Variants in SBF2 observed in about 807,000 individuals in gnomAD.
SBF2 encodes SET binding factor 2.
SBF2 carries 112 observed loss-of-function variants against 225.2 expected under a neutral mutation model. The ratio of observed to expected loss-of-function variants is 0.50; its 90% confidence interval spans 0.43 to 0.58. The LOEUF (loss-of-function observed/expected upper bound fraction) is 0.58. Ranked by LOEUF, SBF2 falls within the 20% of genes least tolerant of loss-of-function variation. The pLI is 0.00. For missense variants in SBF2, 1,996 were observed against 2,206.2 expected (o/e 0.90, Z 1.91); for synonymous variants, 763 against 773.3 (o/e 0.99, Z 0.22).
At chr11:9,849,886 A>C (rs1371504074) in intron 22 of SBF2, 137 bp downstream of exon 22, 1 of 813,616 alleles carries the variant, frequency 1.2e-6, no homozygotes, top group East Asian at 2.5e-5. Flanking sequence ...GTCAGACTAA[A>C]GTATTTCACC....
chr11:10,199,566 A>G (rs1957502047), intron 1 of SBF2, among the ~76,000 whole-genome samples: 1 of 152,242 alleles, frequency 6.6e-6, no homozygotes, highest in Non-Finnish European at 1.5e-5. Flanking sequence ...CAAATAATAA[A>G]TAATAAGCAA....
At chr11:9,798,364 G>A (rs927658291) in intron 32 of SBF2, among the ~76,000 whole-genome samples, 3 of 152,188 alleles carry the variant, frequency 2.0e-5, no homozygotes, top group African/African-American at 7.2e-5. Flanking sequence ...CCACCCCAAG[G>A]AGCCAGTGAT....
In SBF2 at chr11:10,191,719, G is replaced by A. The variant is rs183421471; in HGVS notation, c.141+2183C>T. 2.6e-5 allele frequency among the ~76,000 whole-genome samples: 4 copies of A among 152,212 alleles called. No homozygotes were observed. The East Asian group carries it at 7.7e-4, about 29-fold the overall frequency. On this transcript the variant is annotated intron_variant, in intron 2 of 39. Coordinates refer to ENST00000256190, the MANE Select transcript of SBF2 (RefSeq NM_030962.4). The stretch of plus-strand genomic sequence containing the variant: ...TAACAGCACATGACTCCACTTATTG[G>A]AGAAACATTTATAGCACTTGAACAT...
chr11:9,874,085 C>T (rs1859015223), intron 17 of SBF2, among the ~76,000 whole-genome samples: 1 of 151,998 alleles, frequency 6.6e-6, no homozygotes, highest in Non-Finnish European at 1.5e-5. Context: ...ATATTTCTTT[C>T]CTTGTGTGAC....
chr11:10,054,072 T>C (rs1234766434), intron 2 of SBF2, among the ~76,000 whole-genome samples: 5 of 152,208 alleles, frequency 3.3e-5, no homozygotes, highest in South Asian at 2.1e-4. Flanking sequence ...CAGCTTTTGA[T>C]AAAGTATATA....
At chr11:9,881,678 G>A (rs1427659950) in intron 17 of SBF2, among the ~76,000 whole-genome samples, 2 of 151,904 alleles carry the variant, frequency 1.3e-5, no homozygotes, top group Non-Finnish European at 2.9e-5. Context: ...TAGCCTTCTT[G>A]GATGGAAAAG....
chr11:10,041,907 A>AGAAAAAC (rs1268164363), intron 3 of SBF2, among the ~76,000 whole-genome samples: 1 of 152,122 alleles, frequency 6.6e-6, no homozygotes, highest in Non-Finnish European at 1.5e-5. Flanking sequence ...GAGCCTGGAA[A>AGAAAAAC]GAAAAACCAC....
At chr11:10,155,759 G>A (rs1406416284) in intron 2 of SBF2, among the ~76,000 whole-genome samples, 3 of 152,062 alleles carry the variant, frequency 2.0e-5, no homozygotes, top group Non-Finnish European at 4.4e-5. Flanking sequence ...TCACATTATT[G>A]AAACAGTTAC....
intron 1 of SBF2, among the ~76,000 whole-genome samples, chr11:10,300,811 CTTT>C (rs570381146): frequency 2.4e-4 from 33 of 138,122 alleles, no homozygotes; most frequent in Non-Finnish European, 4.8e-4. Flanking sequence ...CTCTCTCTCT[CTTT>C]TTTTTTTTTT....
intron 2 of SBF2, among the ~76,000 whole-genome samples, chr11:10,057,163 T>C (rs575817448): frequency 6.6e-6 from 1 of 152,062 alleles, no homozygotes; most frequent in Non-Finnish European, 1.5e-5. Flanking sequence ...GCCCCAAGCA[T>C]ACTGTAGCAG....
intron 2 of SBF2, among the ~76,000 whole-genome samples, chr11:10,177,089 A>G (rs996489093): frequency 4.0e-5 from 6 of 151,838 alleles, no homozygotes; most frequent in Non-Finnish European, 7.4e-5. Context: ...AAAGACAAAA[A>G]CCACATGATT....
At chr11:9,781,667 TAA>T (rs780271135) in intron 38 of SBF2, 29 bp from the exon 39 acceptor site, 10 of 1,613,944 alleles carry the variant, frequency 6.2e-6, no homozygotes, top group Non-Finnish European at 8.5e-6. Flanking sequence ...AAGTGAGATA[TAA>T]GAGACAGAAA....
chr11:9,874,694 T>C (rs1859069744), intron 17 of SBF2, among the ~76,000 whole-genome samples: 1 of 152,176 alleles, frequency 6.6e-6, no homozygotes, highest in South Asian at 2.1e-4. Flanking sequence ...TTCACTGAGG[T>C]ACTGCCTACA....
intron 2 of SBF2, among the ~76,000 whole-genome samples, chr11:10,151,850 C>G (rs1015304250): frequency 6.6e-6 from 1 of 152,152 alleles, no homozygotes; most frequent in African/African-American, 2.4e-5. Flanking sequence ...TCCTATATCA[C>G]CCATAATTTC....
intron 2 of SBF2, among the ~76,000 whole-genome samples, chr11:10,065,849 G>C (rs1950605475): frequency 6.6e-6 from 1 of 152,114 alleles, no homozygotes; most frequent in Admixed American, 6.6e-5. Flanking sequence ...TCAGGAGGCT[G>C]AGGCAGGAGA....
At chr11:9,856,312 G>C (rs1210446868) in intron 19 of SBF2, 146 bp downstream of exon 19, 35 of 997,516 alleles carry the variant, frequency 3.5e-5, no homozygotes, top group Non-Finnish European at 1.2e-5. Context: ...AGAAAGAAAA[G>C]CTGAGCAAGT....
intron 1 of SBF2, among the ~76,000 whole-genome samples, chr11:10,299,793 T>C (rs1015499605): frequency 6.6e-6 from 1 of 152,236 alleles, no homozygotes; most frequent in Non-Finnish European, 1.5e-5. Flanking sequence ...TGCTGCTTCC[T>C]TTCTTGCACC....
chr11:10,185,109 T>TGGG (rs548437676), intron 2 of SBF2, among the ~76,000 whole-genome samples: 2 of 148,878 alleles, frequency 1.3e-5, no homozygotes, highest in African/African-American at 4.9e-5. Flanking sequence ...AATAATATTC[T>TGGG]GGGGGGGGGT....
chr11:10,042,739 G>A, intron 3 of SBF2, 105 bp downstream of exon 3: 1 of 1,144,180 alleles, frequency 8.7e-7, no homozygotes, highest in Non-Finnish European at 1.3e-6. Flanking sequence ...TCTTATGCTA[G>A]CCCATAAAAC....
Sources: gnomAD v4.1 joint callset for allele counts (sites outside exome capture counted in the v4.1 genomes callset) on GRCh38, gnomAD v4.1.1 for gene constraint, MANE v1.5 for transcripts, NCBI Gene and HGNC (gene_info 2026-07-23, HGNC 2026-07-21) for gene names.